XKR9: variants seen among roughly 807,000 people sequenced by gnomAD.
XKR9 encodes the protein XK related 9.
XKR9 carries 32 observed loss-of-function variants against 32.0 expected under a neutral mutation model. The observed-to-expected ratio is 1.00, with a 90% CI of 0.76 to 1.34. The LOEUF (loss-of-function observed/expected upper bound fraction) is 1.34, where lower values mean the gene tolerates loss of function less well. Ranked by LOEUF, XKR9 falls within the 40% of genes most tolerant of loss-of-function variation. The probability of loss-of-function intolerance (pLI) is 0.00; values close to 1 mark genes in which losing one functional copy is unlikely to be tolerated. For synonymous variants in XKR9, 168 were observed against 143.4 expected, an observed-to-expected ratio of 1.17 and a Z score of -1.22; for missense variants, 546 against 429.7, an observed-to-expected ratio of 1.27 and a Z score of -2.39.
At chr8:70,970,258 C>T in the XKR9 span, among the ~76,000 whole-genome samples, 17 of 152,064 alleles carry the variant, frequency 1.1e-4, no homozygotes, top group East Asian at 5.8e-4. Context: ...GTAGATACCT[C>T]GTAGTGGGAT....
intron 3 of XKR9, among the ~76,000 whole-genome samples, chr8:70,688,490 C>T (rs927131601): frequency 5.9e-5 from 9 of 151,628 alleles, no homozygotes; most frequent in Admixed American, 1.3e-4. Flanking sequence ...GATCTCAGGT[C>T]ACTGCAAGCT....
intron 4 of XKR9, among the ~76,000 whole-genome samples, chr8:70,708,885 G>A (rs934285411): frequency 2.0e-5 from 3 of 151,912 alleles, no homozygotes; most frequent in Admixed American, 1.3e-4. Context: ...AAAAGAGCTG[G>A]TATCAATTCT....
At chr8:70,794,173 G>A (rs1349755462), downstream of XKR9, among the ~76,000 whole-genome samples, 1 of 151,954 alleles carries the variant, frequency 6.6e-6, no homozygotes, top group East Asian at 1.9e-4. Context: ...CCAGTGTGTT[G>A]AAATACTACT....
At chr8:70,979,499 A>T in the XKR9 span, among the ~76,000 whole-genome samples, 18 of 152,158 alleles carry the variant, frequency 1.2e-4, no homozygotes, top group Admixed American at 1.2e-3. Context: ...CAGGTCCCTC[A>T]GCTGCAGGTA....
At chr8:70,738,213 A>C (rs62530847), downstream of XKR9, among the ~76,000 whole-genome samples, 3 of 118,570 alleles carry the variant, frequency 2.5e-5, no homozygotes, top group Admixed American at 8.3e-5. Context: ...TGTATGTGTC[A>C]AGGAATTTAT....
chr8:70,943,549 T>A, the XKR9 span, among the ~76,000 whole-genome samples: 1 of 152,164 alleles, frequency 6.6e-6, no homozygotes, highest in Non-Finnish European at 1.5e-5. Context: ...ATTTCAGTTT[T>A]AAAAATTATT....
At chr8:70,843,507 A>G in the XKR9 span, among the ~76,000 whole-genome samples, 1 of 152,208 alleles carries the variant, frequency 6.6e-6, no homozygotes, top group Non-Finnish European at 1.5e-5. Flanking sequence ...AAGAACCTAA[A>G]TAGTAAGTGG....
chr8:70,829,726 T>C, the XKR9 span, among the ~76,000 whole-genome samples: 1 of 152,104 alleles, frequency 6.6e-6, no homozygotes, highest in Non-Finnish European at 1.5e-5. Context: ...GGGATTACAG[T>C]TGTGAGCCAC....
At chr8:70,742,344 G>T (rs2130165897) in intron 2 of XKR9, among the ~76,000 whole-genome samples, 1 of 152,300 alleles carries the variant, frequency 6.6e-6, no homozygotes, top group East Asian at 1.9e-4. Context: ...ATAGCTCCCT[G>T]TTTCTGCATG....
chr8:70,695,128 C>CTTTTTTTTTT (rs149186256), intron 3 of XKR9, among the ~76,000 whole-genome samples: 2 of 125,252 alleles, frequency 1.6e-5, no homozygotes, highest in African/African-American at 3.2e-5. Context: ...CCTTGTTTTT[C>CTTTTTTTTTT]TTTTTTTTTT....
the XKR9 span, among the ~76,000 whole-genome samples, chr8:70,952,106 GA>G: frequency 4.2e-5 from 6 of 142,476 alleles, no homozygotes; most frequent in African/African-American, 1.1e-4. Flanking sequence ...ATTATAAAAT[GA>G]AAAAAAAAGG....
At chr8:71,025,291 T>G in the XKR9 span, among the ~76,000 whole-genome samples, 2 of 152,208 alleles carry the variant, frequency 1.3e-5, no homozygotes, top group Non-Finnish European at 2.9e-5. Flanking sequence ...GACCCCCTAG[T>G]TCACTGGTGA....
chr8:70,767,267 C>G (rs1807390197), intron 2 of XKR9, among the ~76,000 whole-genome samples: 1 of 152,226 alleles, frequency 6.6e-6, no homozygotes, highest in East Asian at 1.9e-4. Flanking sequence ...ATTATTGCCT[C>G]AATTTCAGAA....
the XKR9 span, among the ~76,000 whole-genome samples, chr8:70,874,509 A>G: frequency 1.3e-5 from 2 of 152,328 alleles, no homozygotes; most frequent in East Asian, 3.9e-4. Context: ...AAACAGAAGA[A>G]TATTTTAAGA....
intron 2 of XKR9, among the ~76,000 whole-genome samples, chr8:70,770,235 A>T (rs997735478): frequency 6.6e-6 from 1 of 151,922 alleles, no homozygotes; most frequent in African/African-American, 2.4e-5. Flanking sequence ...CTGGAGGTCC[A>T]CTCCAGACCC....
At chr8:70,945,030 C>T in the XKR9 span, among the ~76,000 whole-genome samples, 1 of 152,146 alleles carries the variant, frequency 6.6e-6, no homozygotes, top group Non-Finnish European at 1.5e-5. Flanking sequence ...AGAGAAAATA[C>T]CTCCCAGTGT....
the XKR9 span, among the ~76,000 whole-genome samples, chr8:70,854,117 G>C: frequency 6.6e-6 from 1 of 152,166 alleles, no homozygotes; most frequent in African/African-American, 2.4e-5. Context: ...CTTCCACAAT[G>C]GTTGAACTAG....
chr8:70,882,423 A>G, the XKR9 span, among the ~76,000 whole-genome samples: 2 of 151,790 alleles, frequency 1.3e-5, no homozygotes, highest in South Asian at 2.1e-4. Flanking sequence ...TCAAATGCGT[A>G]TACTTTATAT....
intron 2 of XKR9, among the ~76,000 whole-genome samples, chr8:70,745,147 T>C (rs1807040270): frequency 7.5e-6 from 1 of 132,958 alleles, no homozygotes; most frequent in African/African-American, 2.7e-5. Flanking sequence ...ATTTTCTTAT[T>C]GGTTTTATAG....
Sources: gnomAD v4.1 joint callset for allele counts (sites outside exome capture counted in the v4.1 genomes callset) on GRCh38, gnomAD v4.1.1 for gene constraint, MANE v1.5 for transcripts, NCBI Gene and HGNC (gene_info 2026-07-23, HGNC 2026-07-21) for gene names.